NTRK2: variants seen among roughly 807,000 people sequenced by gnomAD.
The protein encoded by NTRK2 is neurotrophic receptor tyrosine kinase 2.
In NTRK2, 13 loss-of-function variants were observed where a neutral mutation model predicts 94.5. The observed-to-expected ratio is 0.14, with a 90% CI of 0.09 to 0.22. NTRK2 has a LOEUF of 0.22. Ranked by LOEUF, NTRK2 falls within the 10% of genes least tolerant of loss-of-function variation. The pLI is 1.00. For missense variants in NTRK2, 639 were observed against 1,071.2 expected, an observed-to-expected ratio of 0.60 and a Z score of 5.63; for synonymous variants, 372 against 407.4, an observed-to-expected ratio of 0.91 and a Z score of 1.05.
At chr9:85,019,758 A>ATGG (rs1291242860) in intron 17 of NTRK2, among the ~76,000 whole-genome samples, 1 of 152,222 alleles carries the variant, frequency 6.6e-6, no homozygotes, top group Admixed American at 6.5e-5. Context: ...TCATGCACAC[A>ATGG]TAAGACCTGA....
At chr9:84,727,596 C>A in intron 8 of NTRK2, 58 bp from the exon 9 acceptor site, 3 of 1,534,820 alleles carry the variant, frequency 2.0e-6, no homozygotes, top group South Asian at 2.3e-5. Flanking sequence ...ACAGACATCT[C>A]GAGATGGGGA....
At chr9:84,871,938 A>G in intron 14 of NTRK2, 3 of 1,604,104 alleles carry the variant, frequency 1.9e-6, no homozygotes, top group Non-Finnish European at 2.6e-6. Flanking sequence ...CAACATCTTG[A>G]CGTCACTCCT....
chr9:84,879,102 A>G (rs112989410), intron 14 of NTRK2, among the ~76,000 whole-genome samples: 3,305 of 151,794 alleles, frequency 0.022, 45 homozygotes, highest in Non-Finnish European at 0.033. Flanking sequence ...GTTGTATGTG[A>G]CTCTCCAGAG....
chr9:84,828,807 G>T (rs541960555), intron 12 of NTRK2, among the ~76,000 whole-genome samples: 1 of 152,114 alleles, frequency 6.6e-6, no homozygotes, highest in East Asian at 1.9e-4. Context: ...AGTCAAAGCC[G>T]ATTAAAGGGG....
chr9:84,799,096 C>T (rs1023738261), intron 12 of NTRK2, among the ~76,000 whole-genome samples: 2 of 152,036 alleles, frequency 1.3e-5, no homozygotes, highest in South Asian at 4.2e-4. Context: ...TTCTGCCTCT[C>T]AGTGGGTCAG....
intron 14 of NTRK2, chr9:84,877,690 G>A (rs199549547): frequency 6.7e-5 from 71 of 1,062,572 alleles, no homozygotes; most frequent in Non-Finnish European, 8.1e-5. Flanking sequence ...TTTCATGCAA[G>A]GGAGCGGACC....
intron 4 of NTRK2, among the ~76,000 whole-genome samples, chr9:84,705,576 A>G (rs2060999519): frequency 6.6e-6 from 1 of 152,134 alleles, no homozygotes; most frequent in Non-Finnish European, 1.5e-5. Flanking sequence ...TTACCAGCAG[A>G]CAGGGAGACC....
At chr9:84,850,646 T>C (rs1269473646) in intron 12 of NTRK2, among the ~76,000 whole-genome samples, 2 of 152,140 alleles carry the variant, frequency 1.3e-5, no homozygotes, top group Non-Finnish European at 2.9e-5. Context: ...AGAGAGGAAC[T>C]CAGAGACAGA....
At chr9:84,977,284 A>G (rs1334913956) in intron 17 of NTRK2, among the ~76,000 whole-genome samples, 2 of 152,230 alleles carry the variant, frequency 1.3e-5, no homozygotes, top group Non-Finnish European at 2.9e-5. Flanking sequence ...TATTTTCTCC[A>G]TAAGGCACAG....
At chr9:84,875,624 A>T (rs1305983434) in intron 14 of NTRK2, 1 of 1,060,474 alleles carries the variant, frequency 9.4e-7, no homozygotes, top group Non-Finnish European at 1.1e-6. Context: ...CCTGATGTTT[A>T]GGGATGCCTT....
At chr9:84,911,460 A>T (rs2077233166) in intron 14 of NTRK2, among the ~76,000 whole-genome samples, 1 of 152,162 alleles carries the variant, frequency 6.6e-6, no homozygotes. Context: ...CTTAAAAGTT[A>T]TAGAGCTATT....
intron 12 of NTRK2, among the ~76,000 whole-genome samples, chr9:84,762,846 C>G (rs1262404272): frequency 6.6e-6 from 1 of 152,194 alleles, no homozygotes. Flanking sequence ...TTTCCTCTCC[C>G]TTACTCAGGT....
intron 17 of NTRK2, among the ~76,000 whole-genome samples, chr9:84,957,878 G>A (rs577875272): frequency 3.7e-4 from 56 of 152,242 alleles, no homozygotes; most frequent in Admixed American, 5.9e-4. Flanking sequence ...AACAAAATGC[G>A]GTAATCCATA....
chr9:84,703,613 G>C (rs7041260), intron 4 of NTRK2, among the ~76,000 whole-genome samples: 6,799 of 152,138 alleles, frequency 0.045, 208 homozygotes, highest in African/African-American at 0.073. Context: ...GAAGCAGATT[G>C]CCTGGACACT....
intron 12 of NTRK2, among the ~76,000 whole-genome samples, chr9:84,755,762 A>G (rs1324336686): frequency 6.6e-6 from 1 of 151,746 alleles, no homozygotes; most frequent in Admixed American, 6.6e-5. Flanking sequence ...TTGTTTTTTC[A>G]GTTCTGAAGT....
intron 14 of NTRK2, among the ~76,000 whole-genome samples, chr9:84,928,496 T>C (rs1383114229): frequency 1.3e-5 from 2 of 152,176 alleles, no homozygotes; most frequent in African/African-American, 4.8e-5. Flanking sequence ...CTAAATGAAA[T>C]ACCTGTTTTC....
intron 2 of NTRK2, among the ~76,000 whole-genome samples, chr9:84,698,389 A>G (rs2060519407): frequency 6.7e-6 from 1 of 148,708 alleles, no homozygotes; most frequent in Admixed American, 6.7e-5. Context: ...AATCTAATAT[A>G]TATATATATA....
At chr9:84,759,305 G>T (rs571799546) in intron 12 of NTRK2, among the ~76,000 whole-genome samples, 1 of 152,234 alleles carries the variant, frequency 6.6e-6, no homozygotes, top group Non-Finnish European at 1.5e-5. Context: ...GAGAGCAGAA[G>T]ATGCTTATTC....
At chr9:84,804,515 G>T (rs1398400854) in intron 12 of NTRK2, among the ~76,000 whole-genome samples, 1 of 152,162 alleles carries the variant, frequency 6.6e-6, no homozygotes. Flanking sequence ...TATATCTGAG[G>T]TTCTTGCAGA....
Sources: allele counts gnomAD v4.1 joint callset (sites outside exome capture counted in the v4.1 genomes callset), GRCh38; gene constraint gnomAD v4.1.1; transcripts MANE v1.5; gene names NCBI Gene and HGNC (gene_info 2026-07-23, HGNC 2026-07-21).